RSU1: variants seen among roughly 807,000 people sequenced by gnomAD.
RSU1 encodes the protein rsu-1.
RSU1 carries 26 observed loss-of-function variants against 31.1 expected under a neutral mutation model. That is an observed-to-expected ratio of 0.84 (90% confidence interval 0.61 to 1.16). RSU1 has a LOEUF of 1.16. RSU1 is among the 50% of genes most tolerant of loss of function. RSU1 has a pLI of 0.00. For missense variants in RSU1, 320 were observed against 339.1 expected (o/e 0.94, Z 0.44); for synonymous variants, 164 against 136.3 (o/e 1.20, Z -1.41).
chr10:16,626,701 T>G (rs1171422622), intron 8 of RSU1, among the ~76,000 whole-genome samples: 1 of 152,116 alleles, frequency 6.6e-6, no homozygotes, highest in African/African-American at 2.4e-5. Flanking sequence ...AAAGGAGAAA[T>G]GAAAATCCTA....
At chr10:16,608,923 C>G (rs1471348008) in intron 8 of RSU1, among the ~76,000 whole-genome samples, 1 of 152,188 alleles carries the variant, frequency 6.6e-6, no homozygotes, top group Non-Finnish European at 1.5e-5. Flanking sequence ...GCCTCAAACT[C>G]CTGGACTCAA....
At chr10:16,602,822 G>A (rs990155395) in intron 8 of RSU1, among the ~76,000 whole-genome samples, 4 of 152,126 alleles carry the variant, frequency 2.6e-5, no homozygotes, top group African/African-American at 9.7e-5. Context: ...GTAATCTTCC[G>A]GTAGGATGCT....
At chr10:16,726,975 T>C (rs1469512210) in intron 7 of RSU1, 1 of 439,482 alleles carries the variant, frequency 2.3e-6, no homozygotes, top group Non-Finnish European at 4.6e-6. Flanking sequence ...TAAACTTGTT[T>C]TCTCATTATC....
chr10:16,617,229 T>C (rs1833993166), intron 8 of RSU1, among the ~76,000 whole-genome samples: 1 of 152,184 alleles, frequency 6.6e-6, no homozygotes, highest in Non-Finnish European at 1.5e-5. Context: ...TGAGCTCCCA[T>C]TCACAATTGC....
In RSU1 at chr10:16,817,326, G is replaced by T. The variant is rs1235221450; in HGVS notation, c.-15C>A. 4.0e-6 allele frequency: 2 copies of T among 501,478 alleles called. No individual in the cohort carries two copies. The highest frequency in any genetic ancestry group is 3.9e-5 in the African/African-American group (2 of 51,530). 31.1% of individuals were successfully genotyped at this position (501,478 alleles called of 1,614,324 possible). On this transcript the variant is annotated 5_prime_UTR_variant, in exon 1 of 9. Coordinates refer to ENST00000345264, the MANE Select transcript of RSU1 (RefSeq NM_012425.4). ...CCGCACACACTCACCACGGAAGGTA[G>T]CCCCTAAGACGATGGGCGTGCAACC...
At chr10:16,706,143 C>T (rs1180614347) in intron 7 of RSU1, among the ~76,000 whole-genome samples, 3 of 152,212 alleles carry the variant, frequency 2.0e-5, no homozygotes, top group Non-Finnish European at 2.9e-5. Flanking sequence ...TCAATTATTT[C>T]GGGAATATAC....
chr10:16,692,560 T>C (rs569077505), intron 8 of RSU1, among the ~76,000 whole-genome samples: 16 of 152,102 alleles, frequency 1.1e-4, no homozygotes, highest in Non-Finnish European at 1.8e-4. Flanking sequence ...CAAACCAAGC[T>C]CTAAATAGCT....
In RSU1 at chr10:16,752,646, A is replaced by T; in HGVS notation, c.491T>A (p.Leu164His). ...CAGCGAGATCAGGTCGTTATCCCTA[A>T]GGCTGAGCTAAACAGAAGAAAACAA... is the stretch of plus-strand genomic sequence containing the variant. The part of the protein sequence containing the change: ...GKLTKLQILS[L>H]RDNDLISLPK... Residue 164 changes from leucine (L) to histidine (H), a missense_variant, in exon 7 of 9, where the codon CTT becomes CAT. Leu to His is a moderately conservative substitution (Grantham distance 99, BLOSUM62 -3). Transcript: ENST00000345264. The T allele has an allele frequency of 1.9e-6, 3 of 1,612,308 alleles. No individual in the cohort carries two copies. Among genetic ancestry groups the T allele is most frequent in the South Asian group, 2.2e-5 (2 of 91,010 alleles).
intron 8 of RSU1, among the ~76,000 whole-genome samples, chr10:16,642,121 C>T (rs1037293866): frequency 6.6e-6 from 1 of 152,102 alleles, no homozygotes; most frequent in African/African-American, 2.4e-5. Context: ...TGATTTCAGT[C>T]TGATTCTGAT....
intron 7 of RSU1, among the ~76,000 whole-genome samples, chr10:16,701,119 A>T (rs921336905): frequency 6.6e-6 from 1 of 152,224 alleles, no homozygotes. Flanking sequence ...AACATTAATT[A>T]CCGATTTGGA....
At position 16,782,176 on chromosome 10, in the gene RSU1, T is replaced by A. The variant is rs369208266; in HGVS notation, c.110-92A>T. 5.1e-6 allele frequency: 5 copies of A among 977,962 alleles called. No homozygotes were observed. In the African/African-American group the frequency reaches 8.1e-5, roughly 16 times the overall value. The allele number at this position is 977,962 out of a possible 1,614,324, so 60.6% of individuals were successfully genotyped here. ...ACTCCTACAAAGCAAACGGCAAAGT[T>A]ATTTTCACAGGTTGAAGCACTATCG... On this transcript the variant is annotated intron_variant, in intron 2 of 8. Coordinates refer to ENST00000345264, the MANE Select transcript of RSU1 (RefSeq NM_012425.4).
intron 8 of RSU1, among the ~76,000 whole-genome samples, chr10:16,693,868 A>C (rs550655399): frequency 7.9e-5 from 12 of 152,234 alleles, no homozygotes; most frequent in Admixed American, 5.9e-4. Flanking sequence ...CTCTTAAAAA[A>C]AATTAATTAA....
chr10:16,761,780 C>T (rs1485764249), intron 4 of RSU1, among the ~76,000 whole-genome samples: 2 of 152,066 alleles, frequency 1.3e-5, no homozygotes, highest in Admixed American at 6.5e-5. Context: ...CTCCTGAACT[C>T]AGGAGGTGGA....
chr10:16,630,693 T>G (rs1186764483), intron 8 of RSU1, among the ~76,000 whole-genome samples: 1 of 152,200 alleles, frequency 6.6e-6, no homozygotes, highest in African/African-American at 2.4e-5. Flanking sequence ...TCTGCAGTGG[T>G]CATGATCCAT....
intron 8 of RSU1, among the ~76,000 whole-genome samples, chr10:16,694,077 A>G (rs886535823): frequency 5.3e-5 from 8 of 152,164 alleles, no homozygotes; most frequent in African/African-American, 1.7e-4. Flanking sequence ...GACGGTACAT[A>G]TAACAACAGA....
intron 2 of RSU1, among the ~76,000 whole-genome samples, chr10:16,805,950 G>A (rs1399660716): frequency 2.0e-5 from 3 of 152,146 alleles, no homozygotes; most frequent in Admixed American, 1.3e-4. Flanking sequence ...ACCAGTATAA[G>A]CTCAGGAGGC....
intron 3 of RSU1, among the ~76,000 whole-genome samples, chr10:16,765,870 C>T (rs1418687017): frequency 1.3e-5 from 2 of 152,184 alleles, no homozygotes; most frequent in Non-Finnish European, 2.9e-5. Context: ...TAAACTCAGA[C>T]CCGGGAGCAC....
At chr10:16,606,631 T>C (rs1279965755) in intron 8 of RSU1, among the ~76,000 whole-genome samples, 1 of 152,168 alleles carries the variant, frequency 6.6e-6, no homozygotes, top group African/African-American at 2.4e-5. Flanking sequence ...GAAGCTTCTC[T>C]GCCACGTTGT....
intron 2 of RSU1, among the ~76,000 whole-genome samples, chr10:16,798,022 C>A (rs573405313): frequency 6.6e-6 from 1 of 151,862 alleles, no homozygotes; most frequent in Non-Finnish European, 1.5e-5. Flanking sequence ...CCACCACGCC[C>A]GGCTAATTCT....
Sources: allele counts gnomAD v4.1 joint callset (sites outside exome capture counted in the v4.1 genomes callset), GRCh38; gene constraint gnomAD v4.1.1; transcripts MANE v1.5; gene names NCBI Gene and HGNC (gene_info 2026-07-23, HGNC 2026-07-21).